The following IQGAP2 variants were observed in gnomAD, a reference collection of about 807,000 sequenced individuals.
The protein encoded by IQGAP2 is ras GTPase-activating-like protein IQGAP2.
A neutral mutation model predicts 201.3 loss-of-function variants in IQGAP2; 173 were observed. That is an observed-to-expected ratio of 0.86 (90% CI 0.76 to 0.98). IQGAP2 has a LOEUF of 0.98. IQGAP2 is among the 50% of genes least tolerant of loss of function. IQGAP2 has a pLI of 0.00. For missense variants in IQGAP2, 1,687 were observed against 1,864.8 expected (o/e 0.90, Z 1.76); for synonymous variants, 675 against 673.9 (o/e 1.00, Z -0.03).
intron 2 of IQGAP2, among the ~76,000 whole-genome samples, chr5:76,475,268 G>A (rs1755349579): frequency 6.6e-6 from 1 of 152,184 alleles, no homozygotes; most frequent in Non-Finnish European, 1.5e-5. Flanking sequence ...AGCCTGAGTA[G>A]TTTTGAAGAT....
chr5:76,465,609 G>T (rs948718202), intron 2 of IQGAP2, among the ~76,000 whole-genome samples: 1 of 152,140 alleles, frequency 6.6e-6, no homozygotes, highest in Non-Finnish European at 1.5e-5. Flanking sequence ...ATGTTTTCTG[G>T]TTTATAGAAA....
chr5:76,592,562 T>TAA (rs140426251), intron 8 of IQGAP2, among the ~76,000 whole-genome samples: 11 of 151,976 alleles, frequency 7.2e-5, no homozygotes, highest in African/African-American at 2.7e-4. Context: ...GTTTTTGATC[T>TAA]AAAAAAAGGG....
Position 76,628,803 on chromosome 5 carries a change from T to C in IQGAP2, c.1612+1303T>C, listed in dbSNP as rs1750463895. On this transcript the variant is annotated intron_variant, in intron 14 of 35. Coordinates refer to ENST00000274364, the MANE Select transcript of IQGAP2 (RefSeq NM_006633.5). ...TTATTCCCTAAGGAACTTTGAAGTC[T>C]TTCCTTTCTAGCACGCCTTAAGAAA... is the stretch of plus-strand genomic sequence containing the variant. 2 of 441,430 alleles carry C rather than the reference T, an allele frequency of 4.5e-6. 1 individual carries two copies. Among genetic ancestry groups the C allele is most frequent in the Non-Finnish European group, 9.0e-6 (2 of 221,892 alleles). The allele number at this position is 441,430 out of a possible 1,614,324, so 27.3% of individuals were successfully genotyped here. A position where few individuals can be genotyped will look rare whatever the true frequency, so the allele number is the denominator to read the frequency against.
intron 33 of IQGAP2, 61 bp downstream of exon 33, chr5:76,698,208 T>G: frequency 1.5e-6 from 2 of 1,344,800 alleles, no homozygotes; most frequent in Admixed American, 4.1e-5. Context: ...ATGTCAATTC[T>G]GTGTTTCTAG....
intron 2 of IQGAP2, among the ~76,000 whole-genome samples, chr5:76,466,444 AACG>A (rs1754784734): frequency 6.6e-6 from 1 of 152,234 alleles, no homozygotes; most frequent in Admixed American, 6.5e-5. Context: ...TCAATTTCAA[AACG>A]TACTTACAAA....
chr5:76,637,122 C>T lies in IQGAP2; in HGVS notation c.1869C>T (p.Val623=). The change falls in exon 16 of 36, where the codon GTC becomes GTT. Residue 623 remains valine (V), a synonymous_variant. Transcript: ENST00000274364. The part of the protein sequence containing the change: ...YNTDSKESSW[V]TPESCLYKES... The stretch of plus-strand genomic sequence containing the variant: ...CTGATTCAAAAGAGAGTTCCTGGGT[C>T]ACACCTGAATCATGCTTGTATAAAG... 1 of 1,611,952 alleles carries T rather than the reference C, an allele frequency of 6.2e-7. No homozygotes were observed. Among genetic ancestry groups the T allele is most frequent in the South Asian group, 1.1e-5 (1 of 90,804 alleles).
chr5:76,665,584 CTG>C (rs1462838862), intron 22 of IQGAP2, among the ~76,000 whole-genome samples: 3 of 152,136 alleles, frequency 2.0e-5, no homozygotes, highest in African/African-American at 7.2e-5. Flanking sequence ...ATTAAAATAA[CTG>C]TATGTGAAAA....
intron 27 of IQGAP2, among the ~76,000 whole-genome samples, chr5:76,675,830 T>C (rs1480266133): frequency 6.6e-6 from 1 of 151,758 alleles, no homozygotes; most frequent in Admixed American, 6.6e-5. Flanking sequence ...ACAGAAAGTG[T>C]TGATTTTTCA....
chr5:76,574,876 T>C (rs543738045), intron 4 of IQGAP2, among the ~76,000 whole-genome samples: 82 of 152,310 alleles, frequency 5.4e-4, no homozygotes, highest in Non-Finnish European at 1.0e-3. Context: ...GCAAAACAAA[T>C]GTTCAACCAT....
chr5:76,693,389 C>T lies in IQGAP2; in HGVS notation c.3940C>T (p.Gln1314Ter). 1 of 1,613,870 alleles carries T rather than the reference C, an allele frequency of 6.2e-7. No homozygotes were observed. Among genetic ancestry groups the T allele is most frequent in the South Asian group, 1.1e-5 (1 of 91,048 alleles). The stretch of plus-strand genomic sequence containing the variant: ...GCTGATAATTGATGTGATCCGGAAC[C>T]AGCCAGGGAACACATTGACAGAAAT... ...KKLIIDVIRNQPGNTLTEILE... is the reference protein window; with the variant it reads ...KKLIIDVIRN Residue 1314 changes from glutamine (Q) to a stop codon, truncating the protein, a stop_gained, in exon 31 of 36, where the codon CAG becomes TAG. Coordinates refer to ENST00000274364, the MANE Select transcript of IQGAP2 (RefSeq NM_006633.5). LOFTEE classifies it high-confidence loss of function.
chr5:76,662,580 T>G (rs747548991), intron 21 of IQGAP2, among the ~76,000 whole-genome samples: 6 of 152,234 alleles, frequency 3.9e-5, no homozygotes, highest in African/African-American at 7.2e-5. Context: ...GATAGATTTA[T>G]TCTGTGTATT....
At chr5:76,545,596 A>C (rs1032831310) in intron 2 of IQGAP2, among the ~76,000 whole-genome samples, 9 of 151,964 alleles carry the variant, frequency 5.9e-5, no homozygotes, top group Admixed American at 2.0e-4. Flanking sequence ...TAATTTATGC[A>C]AATGGTATGG....
At chr5:76,474,703 T>C (rs946844023) in intron 2 of IQGAP2, among the ~76,000 whole-genome samples, 3 of 152,156 alleles carry the variant, frequency 2.0e-5, no homozygotes, top group Non-Finnish European at 4.4e-5. Context: ...CCCAAATTCA[T>C]TTACACCTGC....
intron 30 of IQGAP2, among the ~76,000 whole-genome samples, chr5:76,690,237 G>A (rs945276104): frequency 2.0e-5 from 3 of 152,300 alleles, no homozygotes; most frequent in African/African-American, 7.2e-5. Flanking sequence ...TGGAATGTGA[G>A]CAGGACTGTG....
At chr5:76,441,984 C>T (rs1238118070) in intron 1 of IQGAP2, among the ~76,000 whole-genome samples, 1 of 152,076 alleles carries the variant, frequency 6.6e-6, no homozygotes, top group Non-Finnish European at 1.5e-5. Context: ...TGGAGGGATC[C>T]TACCCATTAG....
intron 6 of IQGAP2, 35 bp from the exon 7 acceptor site, chr5:76,589,580 C>A: frequency 8.3e-7 from 1 of 1,211,822 alleles, no homozygotes; most frequent in Non-Finnish European, 1.2e-6. Flanking sequence ...GTAGCTTTCT[C>A]TGATAATGAT....
chr5:76,683,191 A>G lies in IQGAP2; in HGVS notation c.3737A>G (p.Glu1246Gly). ...AGTGAATTGCTGGGGTCGCTGGGAGAGGTGCCAACCGTGGAATCTTTTCTT... is the reference window on the plus strand; with the variant it reads ...AGTGAATTGCTGGGGTCGCTGGGAGGGGTGCCAACCGTGGAATCTTTTCTT... ...LLSELLGSLG[E>G]VPTVESFLGE... Residue 1246 changes from glutamate (E) to glycine (G), a missense_variant, in exon 29 of 36, where the codon GAG (glutamate) becomes GGG (glycine). Coordinates refer to ENST00000274364, the MANE Select transcript of IQGAP2 (RefSeq NM_006633.5). 6.2e-7 allele frequency: 1 copy of G among 1,612,090 alleles called. No homozygotes were observed. Among genetic ancestry groups the G allele is most frequent in the Non-Finnish European group, 8.5e-7 (1 of 1,179,044 alleles).
chr5:76,582,399 G>T (rs1260225083), intron 5 of IQGAP2, among the ~76,000 whole-genome samples: 1 of 152,186 alleles, frequency 6.6e-6, no homozygotes, highest in African/African-American at 2.4e-5. Flanking sequence ...ACAGATAAGG[G>T]AACTGAAAGC....
intron 30 of IQGAP2, among the ~76,000 whole-genome samples, chr5:76,690,091 A>G (rs1746135079): frequency 6.6e-6 from 1 of 152,166 alleles, no homozygotes; most frequent in Non-Finnish European, 1.5e-5. Flanking sequence ...CGTGGTTTGG[A>G]TCAACCTATC....
Sources: allele counts gnomAD v4.1 joint callset (sites outside exome capture counted in the v4.1 genomes callset), GRCh38; gene constraint gnomAD v4.1.1; transcripts MANE v1.5; gene names NCBI Gene and HGNC (gene_info 2026-07-23, HGNC 2026-07-21).